Variants in TNC observed in about 807,000 individuals in gnomAD.
The protein encoded by TNC is tenascin.
A neutral mutation model predicts 202.4 loss-of-function variants in TNC; 109 were observed. The ratio of observed to expected loss-of-function variants is 0.54; its 90% CI spans 0.46 to 0.63. The LOEUF is 0.63. Among genes scored for constraint, TNC ranks in the 30% least tolerant of loss-of-function variants. TNC has a pLI of 0.00. For synonymous variants in TNC, 1,007 were observed against 1,089.7 expected, an observed-to-expected ratio of 0.92 and a Z score of 1.50; for missense variants, 2,756 against 2,833.3, an observed-to-expected ratio of 0.97 and a Z score of 0.62.
chr9:115,035,363 A>G (rs772912453), intron 21 of TNC, 29 bp from the exon 22 acceptor site: 13 of 1,593,390 alleles, frequency 8.2e-6, no homozygotes, highest in African/African-American at 1.4e-5. Context: ...TTAATATCGG[A>G]TAAGATCAGC....
intron 10 of TNC, 101 bp downstream of exon 10, chr9:115,073,502 G>A (rs1171344459): frequency 7.0e-7 from 1 of 1,427,398 alleles, no homozygotes; most frequent in East Asian, 2.3e-5. Context: ...AAAGTGGCTT[G>A]CTTTTGCATT....
At position 115,063,969 on chromosome 9, in the gene TNC, A is replaced by C; in HGVS notation, c.3587T>G (p.Phe1196Cys). ...TAPEGAYEYF[F>C]IQVQEADTVE... ...TGTGTCAGCCTCCTGCACCTGAATG[A>C]AAAAGTACTCATAGGCCCCTTCTGG... Residue 1196 changes from phenylalanine to cysteine, a missense_variant, in exon 12 of 28, where the codon TTC becomes TGC. Physicochemically the swap from Phe to Cys is radical, Grantham distance 205. Coordinates refer to ENST00000350763, the MANE Select transcript of TNC (RefSeq NM_002160.4). 6.2e-7 allele frequency: 1 copy of C among 1,614,114 alleles called. No homozygotes were observed. Among genetic ancestry groups the C allele is most frequent in the Non-Finnish European group, 8.5e-7 (1 of 1,180,018 alleles).
Position 115,041,778 on chromosome 9 carries a change from G to A in TNC, c.5248+441C>T, listed in dbSNP as rs529789589. On this transcript the variant is annotated intron_variant, in intron 18 of 27. Coordinates refer to ENST00000350763, the MANE Select transcript of TNC (RefSeq NM_002160.4). ...TTGTGGTCTCTATTATAGCCCATGC[G>A]CTTTGAGTTAGAACTCACAAATTTT... Among the ~76,000 whole-genome samples the A allele has an allele frequency of 3.3e-4, 51 of 152,258 alleles. 2 individuals are homozygous for A. The South Asian group carries it at 8.7e-3, about 26-fold the overall frequency.
chr9:115,030,447 G>C (rs1340407223), intron 23 of TNC, 42 bp from the exon 24 acceptor site: 2 of 1,572,050 alleles, frequency 1.3e-6, no homozygotes, highest in Non-Finnish European at 1.7e-6. Flanking sequence ...AGTGCAGGAG[G>C]ACTGAGCTGG....
At chr9:115,055,707 T>C (rs1450318249) in intron 15 of TNC, 1 of 152,308 alleles carries the variant, frequency 6.6e-6, no homozygotes, top group Non-Finnish European at 1.5e-5. Context: ...CTGCCCCAGG[T>C]CATGTTTGAG....
At chr9:115,075,656 G>A (rs1169875605) in intron 9 of TNC, among the ~76,000 whole-genome samples, 1 of 152,048 alleles carries the variant, frequency 6.6e-6, no homozygotes, top group Non-Finnish European at 1.5e-5. Flanking sequence ...GTGGTGGTAT[G>A]CACCTGTAGT....
intron 15 of TNC, 47 bp from the exon 16 acceptor site, chr9:115,048,579 T>C (rs1831395291): frequency 4.5e-6 from 7 of 1,562,502 alleles, no homozygotes; most frequent in South Asian, 1.2e-5. Context: ...CAGCACTGAC[T>C]CTGTCAGGAT....
intron 15 of TNC, among the ~76,000 whole-genome samples, chr9:115,056,298 C>A (rs1832115501): frequency 6.6e-6 from 1 of 151,968 alleles, no homozygotes; most frequent in African/African-American, 2.4e-5. Flanking sequence ...TCATTTACCT[C>A]TCCAGAGAAG....
chr9:115,101,672 C>T (rs1361893555), intron 1 of TNC, among the ~76,000 whole-genome samples: 1 of 152,162 alleles, frequency 6.6e-6, no homozygotes, highest in African/African-American at 2.4e-5. Context: ...GTATGGACCT[C>T]CCAATGTGCT....
rs1424727052 is a variant in TNC at position 115,082,933 on chromosome 9, T to G, written c.2132-126A>C. On this transcript the variant is annotated intron_variant, in intron 4 of 27. Transcript: ENST00000350763. ...CAGGGGCTGACAACCAGAGCAGGTG[T>G]CCTTTTAAAGCTTCTTCTGGGATGA... The G allele has an allele frequency of 7.7e-6, 5 of 646,682 alleles. No individual in the cohort carries two copies. The Admixed American group carries it at 1.1e-4, about 14-fold the overall frequency. 40.1% of individuals were successfully genotyped at this position (646,682 alleles called of 1,614,324 possible).
chr9:115,073,948 G>T, intron 9 of TNC, 82 bp from the exon 10 acceptor site: 1 of 1,438,634 alleles, frequency 7.0e-7, no homozygotes, highest in Non-Finnish European at 9.4e-7. Context: ...CTGCATCTGG[G>T]CTGGAATCCT....
intron 22 of TNC, among the ~76,000 whole-genome samples, chr9:115,034,955 T>C (rs1424770171): frequency 6.6e-6 from 1 of 152,196 alleles, no homozygotes; most frequent in Non-Finnish European, 1.5e-5. Context: ...GCTCCTAAAA[T>C]GTCCTCAAGT....
intron 10 of TNC, among the ~76,000 whole-genome samples, chr9:115,069,093 A>G (rs1225804306): frequency 6.6e-6 from 1 of 152,246 alleles, no homozygotes; most frequent in Non-Finnish European, 1.5e-5. Flanking sequence ...TATTTGCTGG[A>G]TGAATAAATA....
chr9:115,036,559 G>A lies in TNC; in HGVS notation c.5513-318C>T, dbSNP rs139167833. Among the ~76,000 whole-genome samples the A allele has an allele frequency of 1.4e-3, 217 of 152,214 alleles. 3 individuals are homozygous for A. The highest frequency in any genetic ancestry group is 6.2e-3 in the East Asian group (32 of 5,176). ...TGCCACTGAGACCGAGGTAGAGGACGGTCGGAGGGGACATCCCCAAGCCTG... is the reference window on the plus strand; with the variant it reads ...TGCCACTGAGACCGAGGTAGAGGACAGTCGGAGGGGACATCCCCAAGCCTG... On this transcript the variant is annotated intron_variant, in intron 20 of 27. Transcript: ENST00000350763.
intron 1 of TNC, 113 bp from the exon 2 acceptor site, chr9:115,091,267 T>C (rs1186951295): frequency 2.0e-6 from 1 of 492,234 alleles, no homozygotes; most frequent in Non-Finnish European, 3.6e-6. Context: ...GCTCTCCTGA[T>C]AATTTTTCAT....
At chr9:115,046,752 T>G in intron 16 of TNC, 70 bp from the exon 17 acceptor site, 1 of 1,561,984 alleles carries the variant, frequency 6.4e-7, no homozygotes, top group Non-Finnish European at 8.7e-7. Flanking sequence ...CAATCTTCTC[T>G]CCAGTAGGGG....
chr9:115,076,499 C>T lies in TNC; in HGVS notation c.2751G>A (p.Lys917=). The T allele has an allele frequency of 6.2e-7, 1 of 1,614,226 alleles. No individual in the cohort carries two copies. The highest frequency in any genetic ancestry group is 8.5e-7 in the Non-Finnish European group (1 of 1,180,048). The change falls in exon 8 of 28, where the codon AAG becomes AAA. Residue 917 remains lysine, a synonymous_variant. Transcript: ENST00000350763. Reference sequence around the variant, plus strand: ...TAATTCTGTAACTGTCAATAGCTGCCTTGCCATTCCTCCATTCCAGGGTGA... The same window carrying T: ...TAATTCTGTAACTGTCAATAGCTGCTTTGCCATTCCTCCATTCCAGGGTGA... ...NSITLEWRNG[K]AAIDSYRIKY...
intron 15 of TNC, among the ~76,000 whole-genome samples, chr9:115,055,297 A>C (rs373818410): frequency 5.9e-5 from 9 of 152,196 alleles, no homozygotes; most frequent in African/African-American, 2.2e-4. Flanking sequence ...TTGACACTGA[A>C]ATTCTTTAAT....
intron 9 of TNC, among the ~76,000 whole-genome samples, chr9:115,075,481 T>C (rs1016837830): frequency 6.6e-6 from 1 of 151,846 alleles, no homozygotes; most frequent in Non-Finnish European, 1.5e-5. Context: ...AAAGCCTGGT[T>C]CCAATTTTTC....
Sources: gnomAD v4.1 joint callset for allele counts (sites outside exome capture counted in the v4.1 genomes callset) on GRCh38, gnomAD v4.1.1 for gene constraint, MANE v1.5 for transcripts, NCBI Gene and HGNC (gene_info 2026-07-23, HGNC 2026-07-21) for gene names.